ACAD10: variants seen among roughly 807,000 people sequenced by gnomAD.
ACAD10 encodes acyl-CoA dehydrogenase family member 10.
ACAD10 carries 112 observed loss-of-function variants against 116.8 expected under a neutral mutation model. The ratio of observed to expected loss-of-function variants is 0.96; its 90% CI spans 0.82 to 1.12. The LOEUF (loss-of-function observed/expected upper bound fraction) is 1.12, where lower values mean the gene tolerates loss of function less well. Ranked by LOEUF, ACAD10 falls within the 50% of genes most tolerant of loss-of-function variation. The pLI is 0.00. For missense variants in ACAD10, 1,259 were observed against 1,350.2 expected (o/e 0.93, Z 1.06); for synonymous variants, 486 against 510.6 (o/e 0.95, Z 0.65).
At chr12:111,704,383 G>T (rs1888437097) in intron 3 of ACAD10, among the ~76,000 whole-genome samples, 1 of 151,942 alleles carries the variant, frequency 6.6e-6, no homozygotes, top group Admixed American at 6.6e-5. Flanking sequence ...CTTGTGATCC[G>T]CCCACCTTGG....
At chr12:111,707,193 A>G (rs1411090592) in intron 4 of ACAD10, among the ~76,000 whole-genome samples, 1 of 151,482 alleles carries the variant, frequency 6.6e-6, no homozygotes, top group Non-Finnish European at 1.5e-5. Flanking sequence ...GGGCTCAAGC[A>G]ATTCTCGTGC....
chr12:111,739,917 A>G (rs960209411), intron 12 of ACAD10, among the ~76,000 whole-genome samples: 4 of 152,218 alleles, frequency 2.6e-5, no homozygotes, highest in African/African-American at 9.7e-5. Flanking sequence ...CGATGATATG[A>G]AGAAGTTAAC....
intron 11 of ACAD10, among the ~76,000 whole-genome samples, chr12:111,735,713 C>T (rs1036542737): frequency 6.6e-6 from 1 of 152,118 alleles, no homozygotes; most frequent in African/African-American, 2.4e-5. Context: ...CCTTGGCCTC[C>T]CAAAGTGCTA....
intron 18 of ACAD10, 76 bp from the exon 19 acceptor site, chr12:111,753,696 C>T: frequency 6.2e-7 from 1 of 1,601,170 alleles, no homozygotes; most frequent in East Asian, 2.2e-5. Context: ...CCCAGCTCTG[C>T]AGGCCACCAG....
chr12:111,709,595 C>A lies in ACAD10; in HGVS notation c.601C>A (p.Leu201Ile). 1.2e-6 allele frequency: 2 copies of A among 1,614,076 alleles called. No individual in the cohort carries two copies. Among genetic ancestry groups the A allele is most frequent in the Non-Finnish European group, 1.7e-6 (2 of 1,179,988 alleles). ...GATCTACAAGCTGTGCTTGGAGCAG[C>A]TCGGCCTGCAGCCCTCTGAGTCCAT... ...PRIYKLCLEQ[L>I]GLQPSESIFL... Residue 201 changes from leucine (L) to isoleucine (I), a missense_variant, in exon 5 of 21, where the codon CTC (leucine) becomes ATC (isoleucine). Coordinates refer to ENST00000313698, the MANE Select transcript of ACAD10 (RefSeq NM_025247.6).
chr12:111,746,064 A>G (rs1477762830), intron 13 of ACAD10, 80 bp from the exon 14 acceptor site: 3 of 1,543,478 alleles, frequency 1.9e-6, no homozygotes, highest in Non-Finnish European at 2.6e-6. Context: ...GTTTCCTCCA[A>G]TCCCTTTCAT....
At chr12:111,718,301 G>A (rs776077537) in intron 7 of ACAD10, among the ~76,000 whole-genome samples, 4 of 151,756 alleles carry the variant, frequency 2.6e-5, no homozygotes, top group African/African-American at 9.7e-5. Flanking sequence ...CACCTGCCTC[G>A]GCCTCCCAAA....
Position 111,749,678 on chromosome 12 carries a change from G to T in ACAD10, c.2817+333G>T, listed in dbSNP as rs148533894. On this transcript the variant is annotated intron_variant, in intron 18 of 20. Transcript: ENST00000313698. ...GCAATGGCTCACAGCTATAATCCCA[G>T]TACTTTGGGAGGTCTAGGTAGGAGG... 354 of 236,400 alleles carry T rather than the reference G, an allele frequency of 1.5e-3. 1 individual carries two copies. Among genetic ancestry groups the T allele is most frequent in the African/African-American group, 7.2e-3 (319 of 44,586 alleles). The allele number at this position is 236,400 out of a possible 1,614,324, so 14.6% of individuals were successfully genotyped here. A position where few individuals can be genotyped will look rare whatever the true frequency, so the allele number is the denominator to read the frequency against.
chr12:111,716,073 C>T, intron 7 of ACAD10, 111 bp downstream of exon 7: 1 of 1,453,610 alleles, frequency 6.9e-7, no homozygotes, highest in African/African-American at 1.4e-5. Flanking sequence ...ACATTTAAAA[C>T]TACAATTATG....
rs1485688597 is a variant in ACAD10 at position 111,756,335 on chromosome 12, CT to C, written c.3045del (p.Phe1015LeufsTer6). The C allele has an allele frequency of 1.3e-6, 2 of 1,599,374 alleles. No individual in the cohort carries two copies. The highest frequency in any genetic ancestry group is 8.5e-7 in the Non-Finnish European group (1 of 1,174,940). On this transcript the variant is annotated frameshift_variant, in exon 21 of 21. Coordinates refer to ENST00000313698, the MANE Select transcript of ACAD10 (RefSeq NM_025247.6). LOFTEE classifies it high-confidence loss of function. The stretch of plus-strand genomic sequence containing the variant: ...TCCCTCCACTCTGTGTCTGCCAGGC[CT>C]TTGGAGCAGCAGGCCTGAGCAGCGA... Reference protein sequence around the residue: ...SRVIDRAIQAFGAAGLSSDYP... With the variant: ...SRVIDRAIQAXGAAGLSSDYP...
At chr12:111,694,206 T>A (rs1363487048) in intron 2 of ACAD10, among the ~76,000 whole-genome samples, 1 of 152,176 alleles carries the variant, frequency 6.6e-6, no homozygotes, top group Non-Finnish European at 1.5e-5. Context: ...CAAGCTGGTT[T>A]CTGAGCTCCA....
At chr12:111,718,036 C>CTTGTTTTTTTT (rs1888894521) in intron 7 of ACAD10, among the ~76,000 whole-genome samples, 1 of 63,680 alleles carries the variant, frequency 1.6e-5, no homozygotes, top group African/African-American at 8.2e-5. Flanking sequence ...TAGTGATATC[C>CTTGTTTTTTTT]TTTTTTTTTT....
intron 12 of ACAD10, 70 bp from the exon 13 acceptor site, chr12:111,744,573 T>C: frequency 1.2e-5 from 19 of 1,532,038 alleles, no homozygotes; most frequent in Non-Finnish European, 1.7e-5. Flanking sequence ...AGTGACAGTG[T>C]CATCACATGT....
intron 4 of ACAD10, 59 bp downstream of exon 4, chr12:111,705,991 C>G: frequency 1.3e-6 from 2 of 1,561,574 alleles, no homozygotes; most frequent in Non-Finnish European, 1.7e-6. Context: ...CTTCAGGGTG[C>G]AATGTTAAAT....
At chr12:111,723,473 C>G (rs1566154650) in intron 8 of ACAD10, among the ~76,000 whole-genome samples, 1 of 141,874 alleles carries the variant, frequency 7.0e-6, no homozygotes. Flanking sequence ...GGGGGCTGAC[C>G]CCCCCGCCTC....
At chr12:111,691,039 C>T (rs1888025280) in intron 1 of ACAD10, 1 of 151,944 alleles carries the variant, frequency 6.6e-6, no homozygotes, top group South Asian at 2.1e-4. Flanking sequence ...TGGTTTTTTT[C>T]CCCATCTTTT....
intron 5 of ACAD10, among the ~76,000 whole-genome samples, chr12:111,712,142 T>C (rs1888703808): frequency 6.6e-6 from 1 of 152,216 alleles, no homozygotes; most frequent in African/African-American, 2.4e-5. Flanking sequence ...TGCGTCAGCT[T>C]ATAAATGACC....
chr12:111,731,382 A>T (rs919354440), intron 10 of ACAD10, among the ~76,000 whole-genome samples: 4 of 152,240 alleles, frequency 2.6e-5, no homozygotes, highest in Non-Finnish European at 2.9e-5. Context: ...TTGGGATTCT[A>T]GAGCACTTGC....
intron 12 of ACAD10, chr12:111,744,436 C>G (rs1450962664): frequency 1.6e-6 from 1 of 624,554 alleles, no homozygotes; most frequent in South Asian, 2.3e-5. Flanking sequence ...CTCTAAGACT[C>G]AGTTTTCTTG....
Sources: gnomAD v4.1 joint callset for allele counts (sites outside exome capture counted in the v4.1 genomes callset) on GRCh38, gnomAD v4.1.1 for gene constraint, MANE v1.5 for transcripts, NCBI Gene and HGNC (gene_info 2026-07-23, HGNC 2026-07-21) for gene names.